CLCA2: variants seen among roughly 807,000 people sequenced by gnomAD.
CLCA2 encodes the protein calcium-activated chloride channel regulator 2.
A neutral mutation model predicts 82.9 loss-of-function variants in CLCA2; 85 were observed. The observed-to-expected ratio is 1.03, with a 90% CI of 0.86 to 1.23. The LOEUF is 1.23. Among genes scored for constraint, CLCA2 ranks in the 50% most tolerant of loss-of-function variants. The probability of loss-of-function intolerance (pLI) is 0.00; values close to 1 mark genes in which losing one functional copy is unlikely to be tolerated. For missense variants in CLCA2, 1,089 were observed against 1,124.8 expected, an observed-to-expected ratio of 0.97 and a Z score of 0.45; for synonymous variants, 421 against 391.7, an observed-to-expected ratio of 1.07 and a Z score of -0.88.
At chr1:86,450,771 T>C (rs765875549) in intron 12 of CLCA2, 38 bp downstream of exon 12, 1 of 1,529,120 alleles carries the variant, frequency 6.5e-7, no homozygotes, top group South Asian at 1.3e-5. Context: ...GTAACATCAT[T>C]TCATGTACAT....
chr1:86,428,670 A>G, intron 3 of CLCA2, 102 bp downstream of exon 3: 1 of 1,350,956 alleles, frequency 7.4e-7, no homozygotes, highest in Non-Finnish European at 1.0e-6. Flanking sequence ...AAACTTGTCA[A>G]GGACTTACCA....
intron 9 of CLCA2, among the ~76,000 whole-genome samples, chr1:86,441,882 A>C (rs1445105429): frequency 6.6e-6 from 1 of 152,240 alleles, no homozygotes; most frequent in East Asian, 1.9e-4. Flanking sequence ...ACTTTCTGTC[A>C]ATCAGAATTC....
chr1:86,447,848 T>C, intron 11 of CLCA2, 70 bp downstream of exon 11: 4 of 1,421,362 alleles, frequency 2.8e-6, no homozygotes, highest in Non-Finnish European at 3.8e-6. Flanking sequence ...GTAGTATCAA[T>C]ATTAAGCTTA....
chr1:86,453,386 G>C lies in CLCA2; in HGVS notation c.2173G>C (p.Ala725Pro). ...YTANGNIQMNAPRKSVGRNEE... is the reference protein window; with the variant it reads ...YTANGNIQMNPPRKSVGRNEE... ...TGTCTCAGGTAATATTCAGATGAATGCTCCAAGGAAATCAGTAGGCAGAAA... is the reference window on the plus strand; with the variant it reads ...TGTCTCAGGTAATATTCAGATGAATCCTCCAAGGAAATCAGTAGGCAGAAA... The change falls in exon 13 of 14, where the codon GCT becomes CCT. Residue 725 changes from alanine (A) to proline (P), a missense_variant. Ala to Pro is a conservative substitution (Grantham distance 27). Transcript: ENST00000370565. 1 of 1,613,666 alleles carries C rather than the reference G, an allele frequency of 6.2e-7. No individual in the cohort carries two copies. The highest frequency in any genetic ancestry group is 8.5e-7 in the Non-Finnish European group (1 of 1,179,772).
At chr1:86,427,152 G>A (rs1003199393) in intron 2 of CLCA2, among the ~76,000 whole-genome samples, 24 of 152,274 alleles carry the variant, frequency 1.6e-4, no homozygotes, top group African/African-American at 5.1e-4. Flanking sequence ...AGGAATCATG[G>A]AAGGGGGAAA....
In CLCA2 at chr1:86,428,513, T is replaced by C. The variant is rs781295212; in HGVS notation, c.420T>C (p.His140=). ...GTGGAAAAGAGGGAAAATACATTCA[T>C]TTCACACCTAATTTCCTACTGAATG... is the stretch of plus-strand genomic sequence containing the variant. ...RGCGKEGKYI[H]FTPNFLLNDN... is the part of the protein sequence containing the mutation. Residue 140 remains histidine (H), a synonymous_variant, in exon 3 of 14, where the codon CAT becomes CAC. Coordinates refer to ENST00000370565, the MANE Select transcript of CLCA2 (RefSeq NM_006536.7). 10 of 1,613,654 alleles carry C rather than the reference T, an allele frequency of 6.2e-6. No individual in the cohort carries two copies. Among genetic ancestry groups the C allele is most frequent in the South Asian group, 5.5e-5 (5 of 91,048 alleles).
rs568581962 is a variant in CLCA2 at position 86,432,253 on chromosome 1, A to C, written c.585-116A>C. Reference sequence around the variant, plus strand: ...ACCCCGCCAGTAGAGCAGTTTTTAAAGTTTTGTATATATCTAGCAGGCTAC... The same window carrying C: ...ACCCCGCCAGTAGAGCAGTTTTTAACGTTTTGTATATATCTAGCAGGCTAC... On this transcript the variant is annotated intron_variant, in intron 4 of 13. Transcript: ENST00000370565. 4 of 1,256,460 alleles carry C rather than the reference A, an allele frequency of 3.2e-6. No homozygotes were observed. The South Asian group carries it at 5.6e-5, about 18-fold the overall frequency. The allele number at this position is 1,256,460 out of a possible 1,614,324, so 77.8% of individuals were successfully genotyped here. A position where few individuals can be genotyped will look rare whatever the true frequency, so the allele number is the denominator to read the frequency against.
In CLCA2 at chr1:86,432,448, T is replaced by C; in HGVS notation, c.664T>C (p.Phe222Leu). The change falls in exon 5 of 14, where the codon TTT becomes CTT. Residue 222 changes from phenylalanine (F) to leucine (L), a missense_variant. By Grantham distance (22) the Phe-to-Leu change is conservative (BLOSUM62 0). Coordinates refer to ENST00000370565, the MANE Select transcript of CLCA2 (RefSeq NM_006536.7). ...PQENCIISKL[F>L]KEGCTFIYNS... is the part of the protein sequence containing the mutation. ...AGAAAACTGTATTATTAGTAAGCTT[T>C]TTAAAGAAGGATGCACCTTTATCTA... The C allele has an allele frequency of 6.2e-7, 1 of 1,614,100 alleles. No homozygotes were observed. Among genetic ancestry groups the C allele is most frequent in the Non-Finnish European group, 8.5e-7 (1 of 1,180,008 alleles).
Position 86,455,115 on chromosome 1 carries a change from G to T in CLCA2, c.2420G>T (p.Ser807Ile). Residue 807 changes from serine to isoleucine, a missense_variant, in exon 14 of 14, where the codon AGT (serine) becomes ATT (isoleucine). Ser to Ile is a moderately radical substitution (Grantham distance 142). Coordinates refer to ENST00000370565, the MANE Select transcript of CLCA2 (RefSeq NM_006536.7). ...ATSYEIRMSK[S>I]LQNIQDDFNN... ...AGCTATGAAATAAGAATGAGTAAAA[G>T]TCTACAGAATATCCAAGATGACTTT... 6.3e-7 allele frequency: 1 copy of T among 1,590,440 alleles called. No individual in the cohort carries two copies. Among genetic ancestry groups the T allele is most frequent in the South Asian group, 1.1e-5 (1 of 87,424 alleles).
At chr1:86,431,093 A>C in intron 4 of CLCA2, 123 bp downstream of exon 4, 1 of 642,096 alleles carries the variant, frequency 1.6e-6, no homozygotes, top group Non-Finnish European at 2.7e-6. Flanking sequence ...AACTTAGCTG[A>C]TAAGAAAGAG....
At chr1:86,450,820 T>A in intron 12 of CLCA2, 87 bp downstream of exon 12, 1 of 1,197,010 alleles carries the variant, frequency 8.4e-7, no homozygotes, top group Non-Finnish European at 1.1e-6. Flanking sequence ...TGGCAGGGAG[T>A]GAGAGAAAGA....
At chr1:86,438,819 A>G in intron 6 of CLCA2, 57 bp from the exon 7 acceptor site, 1 of 1,431,050 alleles carries the variant, frequency 7.0e-7, no homozygotes, top group South Asian at 1.2e-5. Context: ...TTACTTCATC[A>G]TACTTTTGTC....
intron 10 of CLCA2, among the ~76,000 whole-genome samples, chr1:86,446,323 T>C (rs1468299144): frequency 6.6e-6 from 1 of 151,042 alleles, no homozygotes; most frequent in African/African-American, 2.4e-5. Context: ...CCCAAGCTTC[T>C]CTCTTAACTT....
rs774990435 is a variant in CLCA2, at chr1:86,450,633, T to C, written c.2055T>C (p.Tyr685=). 3 of 1,613,362 alleles carry C rather than the reference T, an allele frequency of 1.9e-6. No homozygotes were observed. Among genetic ancestry groups the C allele is most frequent in the East Asian group, 2.2e-5 (1 of 44,886 alleles). ...TCTCCTTTGCTGCAAATGGTAGATA[T>C]AGCTTGAAAGTGCATGTCAATCACT... ...YFFSFAANGR[Y]SLKVHVNHSP... Residue 685 remains tyrosine (Y), a synonymous_variant, in exon 12 of 14, where the codon TAT becomes TAC. Transcript: ENST00000370565.
rs368961806 is a variant in CLCA2, at chr1:86,450,630, A to C, written c.2052A>C (p.Arg684Ser). 2 of 1,613,394 alleles carry C rather than the reference A, an allele frequency of 1.2e-6. No individual in the cohort carries two copies. Among genetic ancestry groups the C allele is most frequent in the African/African-American group, 2.7e-5 (2 of 74,932 alleles). The stretch of plus-strand genomic sequence containing the variant: ...TTTTCTCCTTTGCTGCAAATGGTAG[A>C]TATAGCTTGAAAGTGCATGTCAATC... ...RYFFSFAANG[R>S]YSLKVHVNHS... The change falls in exon 12 of 14, where the codon AGA (arginine) becomes AGC (serine). Residue 684 changes from arginine to serine, a missense_variant. Coordinates refer to ENST00000370565, the MANE Select transcript of CLCA2 (RefSeq NM_006536.7).
At chr1:86,425,593 G>T in intron 2 of CLCA2, 117 bp downstream of exon 2, 1 of 747,816 alleles carries the variant, frequency 1.3e-6, no homozygotes, top group Non-Finnish European at 1.9e-6. Context: ...TATTAACAAT[G>T]CAAATAATAT....
chr1:86,453,343 G>C, intron 12 of CLCA2, 26 bp from the exon 13 acceptor site: 1 of 1,565,452 alleles, frequency 6.4e-7, no homozygotes, highest in South Asian at 1.1e-5. Context: ...TTGTCATTTT[G>C]CCTTTTTTTT....
At chr1:86,434,868 G>A in intron 6 of CLCA2, 123 bp downstream of exon 6, 1 of 765,988 alleles carries the variant, frequency 1.3e-6, no homozygotes, top group East Asian at 2.7e-5. Flanking sequence ...TACACAGGTA[G>A]ACATGTGCCA....
chr1:86,425,458 A>G lies in CLCA2; in HGVS notation c.306A>G (p.Lys102=). The part of the protein sequence containing the change: ...TWKANNNSKI[K]QESYEKANVI... ...AAGCTAATAATAACAGCAAAATAAAACAAGAATCATATGAAAAGGTAAGAA... is the reference window on the plus strand; with the variant it reads ...AAGCTAATAATAACAGCAAAATAAAGCAAGAATCATATGAAAAGGTAAGAA... The change falls in exon 2 of 14, where the codon AAA becomes AAG. Residue 102 remains lysine (K), a synonymous_variant. Transcript: ENST00000370565. 1 of 1,550,960 alleles carries G rather than the reference A, an allele frequency of 6.4e-7. No homozygotes were observed.
Sources: allele counts gnomAD v4.1 joint callset (sites outside exome capture counted in the v4.1 genomes callset), GRCh38; gene constraint gnomAD v4.1.1; transcripts MANE v1.5; gene names NCBI Gene and HGNC (gene_info 2026-07-23, HGNC 2026-07-21).